Variants in SENP7 observed in about 807,000 individuals in gnomAD.
SENP7 encodes the protein sentrin-specific protease 7.
In SENP7, 64 loss-of-function variants were observed where a neutral mutation model predicts 141.2. The ratio of observed to expected loss-of-function variants is 0.45; its 90% CI spans 0.37 to 0.56. The LOEUF (loss-of-function observed/expected upper bound fraction) is 0.56, where lower values mean the gene tolerates loss of function less well. SENP7 is among the 20% of genes least tolerant of loss of function. SENP7 has a pLI of 0.00. For synonymous variants in SENP7, 382 were observed against 426.4 expected (o/e 0.90, Z 1.28); for missense variants, 1,025 against 1,212.2 (o/e 0.85, Z 2.29).
At chr3:101,473,193 A>G (rs867159286) in intron 3 of SENP7, among the ~76,000 whole-genome samples, 3 of 152,204 alleles carry the variant, frequency 2.0e-5, no homozygotes, top group Non-Finnish European at 4.4e-5. Context: ...TGCAATAAAC[A>G]TATGTGTGCA....
chr3:101,461,065 A>G (rs1364428784), intron 3 of SENP7, among the ~76,000 whole-genome samples: 1 of 152,196 alleles, frequency 6.6e-6, no homozygotes, highest in Admixed American at 6.5e-5. Flanking sequence ...CACAAATGAC[A>G]AAAAGCACAT....
chr3:101,451,872 G>C (rs2063150404), intron 4 of SENP7, among the ~76,000 whole-genome samples: 1 of 152,152 alleles, frequency 6.6e-6, no homozygotes, highest in South Asian at 2.1e-4. Flanking sequence ...GGGCAATCAG[G>C]CAAGAGAAGG....
intron 12 of SENP7, among the ~76,000 whole-genome samples, chr3:101,351,237 T>C (rs955265430): frequency 6.6e-6 from 1 of 152,020 alleles, no homozygotes; most frequent in Non-Finnish European, 1.5e-5. Context: ...TACTAAGATA[T>C]GCAATTGTAT....
At chr3:101,452,482 A>C (rs1340381379) in intron 4 of SENP7, among the ~76,000 whole-genome samples, 1 of 152,214 alleles carries the variant, frequency 6.6e-6, no homozygotes, top group East Asian at 1.9e-4. Context: ...AGGCTACAGT[A>C]ACCAAAACAG....
At chr3:101,398,321 G>T (rs1358225786) in intron 6 of SENP7, among the ~76,000 whole-genome samples, 1 of 152,214 alleles carries the variant, frequency 6.6e-6, no homozygotes, top group East Asian at 1.9e-4. Flanking sequence ...TTAGCTGGGC[G>T]TGGTGGCACG....
chr3:101,367,839 T>G lies in SENP7; in HGVS notation c.969A>C (p.Thr323=). The G allele has an allele frequency of 6.3e-7, 1 of 1,589,724 alleles. No homozygotes were observed. Among genetic ancestry groups the G allele is most frequent in the Non-Finnish European group, 8.6e-7 (1 of 1,161,184 alleles). Residue 323 remains threonine, a synonymous_variant, in exon 8 of 24, where the codon ACA becomes ACC. Transcript: ENST00000394095. ...SQYCTSLDKS[T]EQTKKQEDDS... ...AAATACCTCTACTTACTGTCTGTTC[T>G]GTTGACTTATCCAAAGAAGTACAAT... is the stretch of plus-strand genomic sequence containing the variant.
At chr3:101,426,646 A>T (rs1187686582) in intron 4 of SENP7, among the ~76,000 whole-genome samples, 1 of 151,554 alleles carries the variant, frequency 6.6e-6, no homozygotes, top group African/African-American at 2.4e-5. Context: ...TGCCCAGCTA[A>T]TTTTTTTTAT....
intron 5 of SENP7, among the ~76,000 whole-genome samples, chr3:101,406,309 C>A (rs1018092581): frequency 6.6e-6 from 1 of 152,138 alleles, no homozygotes; most frequent in Non-Finnish European, 1.5e-5. Flanking sequence ...TGGAAACCAT[C>A]ATTCTCAGCA....
At chr3:101,463,736 G>A (rs1180653195) in intron 3 of SENP7, among the ~76,000 whole-genome samples, 1 of 151,888 alleles carries the variant, frequency 6.6e-6, no homozygotes, top group African/African-American at 2.4e-5. Flanking sequence ...CACAAAAGAT[G>A]AGTATCAAGA....
chr3:101,350,399 G>A (rs2059583740), intron 12 of SENP7, among the ~76,000 whole-genome samples: 1 of 151,986 alleles, frequency 6.6e-6, no homozygotes, highest in Non-Finnish European at 1.5e-5. Context: ...AGACCCTCAG[G>A]TTCCCACCTA....
At position 101,450,304 on chromosome 3, in the gene SENP7, C is replaced by T. The variant is rs560121702; in HGVS notation, c.284+8651G>A. Among the ~76,000 whole-genome samples, 1,485 of 152,230 alleles carry T rather than the reference C, an allele frequency of 9.8e-3. 27 individuals are homozygous for T. The highest frequency in any genetic ancestry group is 0.034 in the African/African-American group (1,404 of 41,534). On this transcript the variant is annotated intron_variant, in intron 4 of 23. Coordinates refer to ENST00000394095, the MANE Select transcript of SENP7 (RefSeq NM_020654.5). ...CCACTGTCAACATTAGACAGATCAA[C>T]AAGACAGAAAGTTAACAAGGATATC...
intron 1 of SENP7, among the ~76,000 whole-genome samples, chr3:101,508,550 G>C (rs1576563326): frequency 6.6e-6 from 1 of 152,250 alleles, no homozygotes; most frequent in African/African-American, 2.4e-5. Context: ...AGTGAGCCGA[G>C]ATCGTGCCAC....
rs2061546589 is a variant in SENP7, at chr3:101,414,375, CATCAAGCACTGCCATGTG to C, written c.482+3200_482+3217del. 4.1e-6 allele frequency: 3 copies of C among 740,684 alleles called. No homozygotes were observed. In the African/African-American group the frequency reaches 5.5e-5, roughly 14 times the overall value. The allele number at this position is 740,684 out of a possible 1,614,324, so 45.9% of individuals were successfully genotyped here. On this transcript the variant is annotated intron_variant, in intron 5 of 23. Transcript: ENST00000394095. ...CCTCCCTGCAGCAGGTGCACCAGTG[CATCAAGCACTGCCATGTG>C]CTTCTGGCTCAAGCCCAGGCTTTGG...
chr3:101,446,099 T>C (rs2062881698), intron 4 of SENP7, among the ~76,000 whole-genome samples: 1 of 152,160 alleles, frequency 6.6e-6, no homozygotes, highest in South Asian at 2.1e-4. Flanking sequence ...GAGTGAGTTC[T>C]AACGAAATCT....
chr3:101,368,035 A>G lies in SENP7; in HGVS notation c.797-24T>C, dbSNP rs1335935002. ...GTCTTAAAAAACAAATGAAGCATAA[A>G]TATGGACAAAAAAGTATAGAGAGAA... On this transcript the variant is annotated intron_variant, in intron 7 of 23. Coordinates refer to ENST00000394095, the MANE Select transcript of SENP7 (RefSeq NM_020654.5). 3 of 1,566,042 alleles carry G rather than the reference A, an allele frequency of 1.9e-6. No homozygotes were observed. In the Admixed American group the frequency reaches 5.5e-5, roughly 29 times the overall value.
At chr3:101,351,711 A>AT (rs201888783) in intron 11 of SENP7, 60 bp from the exon 12 acceptor site, 5,345 of 1,140,480 alleles carry the variant, frequency 4.7e-3, no homozygotes, top group South Asian at 7.2e-3. Context: ...TACTATTCAA[A>AT]TTTTTTTTTT....
At chr3:101,383,807 G>A (rs1487701839) in intron 6 of SENP7, among the ~76,000 whole-genome samples, 1 of 152,228 alleles carries the variant, frequency 6.6e-6, no homozygotes, top group African/African-American at 2.4e-5. Flanking sequence ...GGGATAGGAG[G>A]TTGATGGCAG....
At chr3:101,433,556 A>C (rs1478229386) in intron 4 of SENP7, among the ~76,000 whole-genome samples, 1 of 152,116 alleles carries the variant, frequency 6.6e-6, no homozygotes, top group African/African-American at 2.4e-5. Flanking sequence ...ACATAAACTA[A>C]AAATAAAGGG....
intron 4 of SENP7, among the ~76,000 whole-genome samples, chr3:101,428,702 T>A (rs1177916720): frequency 6.6e-5 from 10 of 152,192 alleles, no homozygotes; most frequent in African/African-American, 1.9e-4. Flanking sequence ...TTTAATTAGA[T>A]CCCATTTGTC....
Sources: gnomAD v4.1 joint callset for allele counts (sites outside exome capture counted in the v4.1 genomes callset) on GRCh38, gnomAD v4.1.1 for gene constraint, MANE v1.5 for transcripts, NCBI Gene and HGNC (gene_info 2026-07-23, HGNC 2026-07-21) for gene names.